The following CSMD1 variants were observed in gnomAD, a reference collection of about 807,000 sequenced individuals.
CSMD1 encodes the protein CUB and sushi domain-containing protein 1.
Under a neutral mutation model 417.5 loss-of-function variants are expected in CSMD1, and 213 were observed. That is an observed-to-expected ratio of 0.51 (90% CI 0.46 to 0.57). The LOEUF (loss-of-function observed/expected upper bound fraction) is 0.57. Among genes scored for constraint, CSMD1 ranks in the 20% least tolerant of loss-of-function variants. The pLI is 0.00. For missense variants in CSMD1, 6,923 were observed against 4,529.7 expected, an observed-to-expected ratio of 1.53 and a Z score of -15.17; for synonymous variants, 2,862 against 1,736.8, an observed-to-expected ratio of 1.65 and a Z score of -16.11.
intron 8 of CSMD1, among the ~76,000 whole-genome samples, chr8:3,590,821 C>G (rs940998657): frequency 2.0e-5 from 3 of 152,144 alleles, no homozygotes; most frequent in East Asian, 3.8e-4. Flanking sequence ...GACCCCAATT[C>G]TAATTTATTA....
chr8:3,871,616 T>C (rs1411554130), intron 5 of CSMD1, among the ~76,000 whole-genome samples: 2 of 152,204 alleles, frequency 1.3e-5, no homozygotes, highest in African/African-American at 2.4e-5. Flanking sequence ...ATTCAGATTA[T>C]ACAGGATATA....
At chr8:4,102,938 T>C (rs1801381026) in intron 3 of CSMD1, among the ~76,000 whole-genome samples, 1 of 152,278 alleles carries the variant, frequency 6.6e-6, no homozygotes, top group South Asian at 2.1e-4. Context: ...ACTTTAAAAA[T>C]AAGTGACAAA....
At chr8:3,480,944 C>G (rs914245241) in intron 11 of CSMD1, among the ~76,000 whole-genome samples, 5 of 151,840 alleles carry the variant, frequency 3.3e-5, no homozygotes, top group African/African-American at 1.2e-4. Context: ...ATCACAAGGT[C>G]AGGAGATCGA....
intron 12 of CSMD1, among the ~76,000 whole-genome samples, chr8:3,450,752 G>A (rs1585182989): frequency 6.6e-6 from 1 of 151,888 alleles, no homozygotes; most frequent in South Asian, 2.1e-4. Context: ...CTTTGCTATT[G>A]TGAATAGTGC....
intron 5 of CSMD1, among the ~76,000 whole-genome samples, chr8:3,843,703 G>A (rs763316778): frequency 6.6e-6 from 1 of 152,182 alleles, no homozygotes; most frequent in Non-Finnish European, 1.5e-5. Context: ...GTGGAACACA[G>A]ACCTAGTTTG....
intron 3 of CSMD1, among the ~76,000 whole-genome samples, chr8:4,185,723 T>C (rs1194444588): frequency 3.3e-5 from 5 of 152,192 alleles, no homozygotes; most frequent in Admixed American, 6.5e-5. Flanking sequence ...GTTCGTCAGA[T>C]AGACTCATGC....
At chr8:4,742,862 T>C (rs1331469395) in intron 1 of CSMD1, among the ~76,000 whole-genome samples, 2 of 152,170 alleles carry the variant, frequency 1.3e-5, no homozygotes, top group African/African-American at 2.4e-5. Flanking sequence ...AATTCTAACT[T>C]AATGGTCTGT....
chr8:4,918,111 T>G (rs1806192126), intron 1 of CSMD1, among the ~76,000 whole-genome samples: 1 of 152,184 alleles, frequency 6.6e-6, no homozygotes, highest in Admixed American at 6.5e-5. Context: ...AAATATGTAT[T>G]CTATTACAAA....
intron 3 of CSMD1, among the ~76,000 whole-genome samples, chr8:4,332,480 C>T (rs996439604): frequency 6.6e-6 from 1 of 151,766 alleles, no homozygotes; most frequent in African/African-American, 2.4e-5. Flanking sequence ...AACTGAGCAC[C>T]TCACAGATAG....
At chr8:3,924,116 G>C (rs1014816564) in intron 5 of CSMD1, among the ~76,000 whole-genome samples, 3 of 152,146 alleles carry the variant, frequency 2.0e-5, no homozygotes, top group African/African-American at 7.2e-5. Context: ...GTTGATGCGG[G>C]AAAATCTGTA....
chr8:4,328,770 G>A (rs557667738), intron 3 of CSMD1, among the ~76,000 whole-genome samples: 5 of 152,176 alleles, frequency 3.3e-5, no homozygotes, highest in Admixed American at 2.6e-4. Context: ...GTTTAAGTTA[G>A]CAATCTGACA....
intron 5 of CSMD1, among the ~76,000 whole-genome samples, chr8:3,756,780 C>A (rs1225377762): frequency 6.6e-6 from 1 of 151,450 alleles, no homozygotes; most frequent in African/African-American, 2.4e-5. Flanking sequence ...ACGGTTCTGA[C>A]TGAAAAAACC....
At chr8:4,293,170 G>A (rs1485117203) in intron 3 of CSMD1, among the ~76,000 whole-genome samples, 1 of 152,052 alleles carries the variant, frequency 6.6e-6, no homozygotes, top group Non-Finnish European at 1.5e-5. Flanking sequence ...TATACTCTGA[G>A]GACTGAACCT....
At chr8:3,846,363 G>A (rs1803502690) in intron 5 of CSMD1, among the ~76,000 whole-genome samples, 1 of 152,126 alleles carries the variant, frequency 6.6e-6, no homozygotes, top group South Asian at 2.1e-4. Context: ...TGATTAAAAT[G>A]TCTTTATGTG....
chr8:3,662,762 T>A (rs1158222791), intron 7 of CSMD1, among the ~76,000 whole-genome samples: 2 of 151,980 alleles, frequency 1.3e-5, no homozygotes, highest in Non-Finnish European at 2.9e-5. Context: ...CCCCGCATGT[T>A]CTCACTCATA....
chr8:3,776,807 G>GATATATAGATATATATATATATATATAT lies in CSMD1; in HGVS notation c.819-22766_819-22765insATATATATATATATATATATCTATATAT, dbSNP rs1371493777. 2.5e-4 allele frequency among the ~76,000 whole-genome samples: 35 copies of GATATATAGATATATATATATATATATAT among 139,988 alleles called. 1 individual carries two copies. Among genetic ancestry groups the GATATATAGATATATATATATATATATAT allele is most frequent in the African/African-American group, 9.1e-4 (32 of 35,096 alleles). 91.8% of individuals were successfully genotyped at this position (139,988 alleles called of 152,430 possible). A position where few individuals can be genotyped will look rare whatever the true frequency, so the allele number is the denominator to read the frequency against. Reference sequence around the variant, plus strand: ...GTGATAGATAGTGACATATAGACGAGATATATATATATATATACAGATGAC... The same window carrying GATATATAGATATATATATATATATATAT: ...GTGATAGATAGTGACATATAGACGAGATATATAGATATATATATATATATATATATATATATATATATATACAGATGAC... On this transcript the variant is annotated intron_variant, in intron 5 of 69. Transcript: ENST00000635120.
chr8:4,215,932 G>C (rs1800641671), intron 3 of CSMD1, among the ~76,000 whole-genome samples: 1 of 152,146 alleles, frequency 6.6e-6, no homozygotes, highest in East Asian at 1.9e-4. Flanking sequence ...ATTCATGCAG[G>C]ACTGAACATG....
intron 5 of CSMD1, among the ~76,000 whole-genome samples, chr8:3,860,994 A>T (rs572305463): frequency 7.9e-5 from 12 of 152,244 alleles, no homozygotes; most frequent in Admixed American, 2.0e-4. Flanking sequence ...CAAAGCATGG[A>T]AAGTATGACA....
chr8:3,925,538 C>T (rs1025208779), intron 5 of CSMD1, among the ~76,000 whole-genome samples: 1 of 152,108 alleles, frequency 6.6e-6, no homozygotes, highest in Admixed American at 6.6e-5. Context: ...TCCAGAATTC[C>T]CAGGTGTTGT....
Sources: allele counts gnomAD v4.1 joint callset (sites outside exome capture counted in the v4.1 genomes callset), GRCh38; gene constraint gnomAD v4.1.1; transcripts MANE v1.5; gene names NCBI Gene and HGNC (gene_info 2026-07-23, HGNC 2026-07-21).